Variants in SPIDR observed in about 807,000 individuals in gnomAD.
SPIDR encodes DNA repair-scaffolding protein.
A neutral mutation model predicts 104.6 loss-of-function variants in SPIDR; 93 were observed. The ratio of observed to expected loss-of-function variants is 0.89; its 90% CI spans 0.75 to 1.06. SPIDR has a LOEUF of 1.06. Among genes scored for constraint, SPIDR ranks in the 50% least tolerant of loss-of-function variants. The pLI is 0.00. For synonymous variants in SPIDR, 431 were observed against 416.9 expected (o/e 1.03, Z -0.41); for missense variants, 1,154 against 1,111.2 (o/e 1.04, Z -0.55).
chr8:47,422,396 G>T (rs2065670693), intron 7 of SPIDR, among the ~76,000 whole-genome samples: 1 of 152,208 alleles, frequency 6.6e-6, no homozygotes, highest in African/African-American at 2.4e-5. Context: ...GTGGGCGTAG[G>T]ACCCTCCGAG....
intron 8 of SPIDR, among the ~76,000 whole-genome samples, chr8:47,553,966 AACAATCAGG>A (rs2090959099): frequency 1.3e-5 from 2 of 152,120 alleles, no homozygotes; most frequent in African/African-American, 4.8e-5. Flanking sequence ...TTTTCCTTCC[AACAATCAGG>A]ACCCTCAGCT....
chr8:47,634,049 C>A (rs1055967515), intron 10 of SPIDR, among the ~76,000 whole-genome samples: 1 of 150,820 alleles, frequency 6.6e-6, no homozygotes, highest in Non-Finnish European at 1.5e-5. Flanking sequence ...GAGCCAAGAT[C>A]GTGCCACTGC....
intron 1 of SPIDR, among the ~76,000 whole-genome samples, chr8:47,269,968 C>T (rs1208058927): frequency 1.3e-5 from 2 of 152,024 alleles, no homozygotes; most frequent in Non-Finnish European, 2.9e-5. Flanking sequence ...ATTGAATTTT[C>T]AATATTACAT....
intron 5 of SPIDR, among the ~76,000 whole-genome samples, chr8:47,321,757 A>C (rs1350653928): frequency 2.6e-5 from 4 of 152,178 alleles, no homozygotes; most frequent in Non-Finnish European, 5.9e-5. Flanking sequence ...ATATAGAACA[A>C]TGGAACAGAA....
At chr8:47,663,401 A>T (rs2074416831) in intron 10 of SPIDR, among the ~76,000 whole-genome samples, 1 of 152,138 alleles carries the variant, frequency 6.6e-6, no homozygotes, top group Non-Finnish European at 1.5e-5. Flanking sequence ...TGTACCTAGC[A>T]CCTCACAGAG....
At chr8:47,293,737 T>G in intron 4 of SPIDR, 130 bp from the exon 5 acceptor site, 1 of 1,031,556 alleles carries the variant, frequency 9.7e-7, no homozygotes, top group Non-Finnish European at 1.4e-6. Context: ...CATGAGCTAT[T>G]GTGCCTGGCC....
At chr8:47,464,290 T>A (rs1012218100) in intron 8 of SPIDR, among the ~76,000 whole-genome samples, 2 of 152,150 alleles carry the variant, frequency 1.3e-5, no homozygotes, top group African/African-American at 2.4e-5. Flanking sequence ...TAGTATTTTT[T>A]AAAAACCACT....
At chr8:47,331,987 C>CTTTTTTTTTTTTTTTTTTTTTT (rs2048793130) in intron 5 of SPIDR, among the ~76,000 whole-genome samples, 2 of 27,506 alleles carry the variant, frequency 7.3e-5, no homozygotes, top group Non-Finnish European at 1.3e-4. Context: ...TTTTTTTTTT[C>CTTTTTTTTTTTTTTTTTTTTTT]TCTTTTTTTT....
At chr8:47,445,449 T>C (rs2070391330) in intron 8 of SPIDR, among the ~76,000 whole-genome samples, 1 of 152,180 alleles carries the variant, frequency 6.6e-6, no homozygotes. Flanking sequence ...CCATCTTACT[T>C]TCTCTCCTCA....
intron 5 of SPIDR, among the ~76,000 whole-genome samples, chr8:47,337,909 C>T (rs2050068107): frequency 6.6e-6 from 1 of 152,148 alleles, no homozygotes; most frequent in African/African-American, 2.4e-5. Context: ...AGGTTTATTT[C>T]TGGATTTTCT....
intron 6 of SPIDR, among the ~76,000 whole-genome samples, chr8:47,403,638 C>T (rs1347190907): frequency 1.3e-5 from 2 of 152,158 alleles, no homozygotes; most frequent in African/African-American, 4.8e-5. Context: ...AGGAATCCAA[C>T]TTACAAGGGA....
At chr8:47,372,732 A>G (rs940457371) in intron 5 of SPIDR, among the ~76,000 whole-genome samples, 18 of 152,080 alleles carry the variant, frequency 1.2e-4, no homozygotes, top group African/African-American at 3.9e-4. Context: ...AACTTTTTAA[A>G]TTTTTAGATT....
intron 10 of SPIDR, among the ~76,000 whole-genome samples, chr8:47,599,488 G>A (rs998462591): frequency 2.0e-5 from 3 of 152,082 alleles, no homozygotes; most frequent in African/African-American, 7.3e-5. Context: ...TATTATTCTG[G>A]AAAAGCCAAG....
At chr8:47,729,069 G>T (rs774008189) in intron 18 of SPIDR, 22 bp downstream of exon 18, 1 of 1,612,438 alleles carries the variant, frequency 6.2e-7, no homozygotes, top group East Asian at 2.2e-5. Flanking sequence ...GCCAGAGCAC[G>T]CACGCACTCC....
chr8:47,583,726 A>G (rs2059981112), intron 8 of SPIDR, among the ~76,000 whole-genome samples: 1 of 152,194 alleles, frequency 6.6e-6, no homozygotes, highest in Non-Finnish European at 1.5e-5. Flanking sequence ...TGATGATGTG[A>G]TAGTGTGGCA....
chr8:47,530,764 T>C (rs1442388509), intron 8 of SPIDR, among the ~76,000 whole-genome samples: 2 of 152,348 alleles, frequency 1.3e-5, no homozygotes, highest in South Asian at 4.1e-4. Context: ...CTTAGTTTAC[T>C]GTAACTTTTT....
At chr8:47,460,674 A>G (rs1259713535) in intron 8 of SPIDR, among the ~76,000 whole-genome samples, 4 of 152,172 alleles carry the variant, frequency 2.6e-5, no homozygotes, top group African/African-American at 9.7e-5. Context: ...GATGTGAGGT[A>G]CTGTTTCATT....
In SPIDR at chr8:47,705,266, C is replaced by T. The variant is rs974760389; in HGVS notation, c.1977+3251C>T. Among the ~76,000 whole-genome samples the T allele has an allele frequency of 3.9e-5, 6 of 152,160 alleles. No individual in the cohort carries two copies. The South Asian group carries it at 1.2e-3, about 31-fold the overall frequency. ...GAGGTAGAGAAGATAATGTTAATCC[C>T]CTCCTATCCAAGAAACAGGCTCCCA... On this transcript the variant is annotated intron_variant, in intron 14 of 19. Coordinates refer to ENST00000297423, the MANE Select transcript of SPIDR (RefSeq NM_001080394.4).
intron 8 of SPIDR, among the ~76,000 whole-genome samples, chr8:47,504,414 T>C (rs1191834343): frequency 1.3e-5 from 2 of 152,194 alleles, no homozygotes; most frequent in Non-Finnish European, 2.9e-5. Context: ...CCCTTTCTTC[T>C]AGTTGATCGA....
Sources: allele counts gnomAD v4.1 joint callset (sites outside exome capture counted in the v4.1 genomes callset), GRCh38; gene constraint gnomAD v4.1.1; transcripts MANE v1.5; gene names NCBI Gene and HGNC (gene_info 2026-07-23, HGNC 2026-07-21).